Variants in PDE7B observed in about 807,000 individuals in gnomAD.
The protein encoded by PDE7B is phosphodiesterase 7B, also known as 3',5'-cyclic-AMP phosphodiesterase 7B.
Under a neutral mutation model 56.2 loss-of-function variants are expected in PDE7B, and 29 were observed. That is an observed-to-expected ratio of 0.52 (90% CI 0.38 to 0.70). PDE7B has a LOEUF of 0.70. Among genes scored for constraint, PDE7B ranks in the 30% least tolerant of loss-of-function variants. PDE7B has a pLI of 0.00. For synonymous variants in PDE7B, 197 were observed against 196.9 expected (o/e 1.00, Z 0.00); for missense variants, 490 against 565.0 (o/e 0.87, Z 1.35).
chr6:135,857,979 T>C (rs1331795871), intron 1 of PDE7B, among the ~76,000 whole-genome samples: 1 of 152,190 alleles, frequency 6.6e-6, no homozygotes, highest in African/African-American at 2.4e-5. Flanking sequence ...TTCTTGTATA[T>C]ACTTTAGAAT....
intron 2 of PDE7B, among the ~76,000 whole-genome samples, chr6:136,057,956 C>T (rs955584550): frequency 2.6e-5 from 4 of 152,092 alleles, no homozygotes; most frequent in Admixed American, 2.0e-4. Context: ...AGGCTGGTCT[C>T]GAACTCCTGA....
chr6:135,891,540 G>A (rs1457286050), intron 1 of PDE7B, among the ~76,000 whole-genome samples: 2 of 152,112 alleles, frequency 1.3e-5, no homozygotes, highest in South Asian at 2.1e-4. Context: ...GCAAAACTGA[G>A]GTGAGAAATT....
At chr6:136,166,558 G>A (rs1778796411) in intron 8 of PDE7B, among the ~76,000 whole-genome samples, 1 of 152,106 alleles carries the variant, frequency 6.6e-6, no homozygotes, top group Non-Finnish European at 1.5e-5. Context: ...TAGAGCAGGA[G>A]CAAGAGAGAG....
At chr6:136,127,908 A>C (rs1375689172) in intron 3 of PDE7B, among the ~76,000 whole-genome samples, 1 of 152,230 alleles carries the variant, frequency 6.6e-6, no homozygotes, top group Admixed American at 6.5e-5. Flanking sequence ...CCTTAAACTT[A>C]GCTTAACTTC....
chr6:135,865,394 G>A (rs886273323), intron 1 of PDE7B, among the ~76,000 whole-genome samples: 1 of 151,914 alleles, frequency 6.6e-6, no homozygotes, highest in Non-Finnish European at 1.5e-5. Context: ...ATATTCTTCG[G>A]TCTTAAAATT....
At chr6:136,020,654 T>C (rs1174297001) in intron 2 of PDE7B, among the ~76,000 whole-genome samples, 1 of 151,780 alleles carries the variant, frequency 6.6e-6, no homozygotes, top group Non-Finnish European at 1.5e-5. Context: ...GAATTTTCTG[T>C]TGTCCATATA....
At chr6:136,167,565 T>TA (rs1168915288) in intron 8 of PDE7B, among the ~76,000 whole-genome samples, 7 of 152,222 alleles carry the variant, frequency 4.6e-5, no homozygotes, top group Non-Finnish European at 1.0e-4. Flanking sequence ...TGTGGAACTG[T>TA]AAGTCCATTG....
chr6:135,949,790 T>C (rs1185823277), intron 2 of PDE7B, among the ~76,000 whole-genome samples: 5 of 152,098 alleles, frequency 3.3e-5, no homozygotes, highest in Non-Finnish European at 7.4e-5. Flanking sequence ...TTTTTATTAG[T>C]TTCAGGACAC....
At chr6:135,930,048 CT>C (rs1334468037) in intron 1 of PDE7B, among the ~76,000 whole-genome samples, 1 of 152,098 alleles carries the variant, frequency 6.6e-6, no homozygotes, top group Non-Finnish European at 1.5e-5. Context: ...TTTCACACTG[CT>C]GATAAAGACA....
At chr6:136,104,963 TTTGC>T (rs1351744033) in intron 2 of PDE7B, among the ~76,000 whole-genome samples, 9 of 152,338 alleles carry the variant, frequency 5.9e-5, no homozygotes, top group African/African-American at 2.2e-4. Flanking sequence ...TTTGGGTTTG[TTTGC>T]TTGTTTAGGT....
intron 1 of PDE7B, among the ~76,000 whole-genome samples, chr6:135,862,529 T>C (rs1775169931): frequency 6.6e-6 from 1 of 151,912 alleles, no homozygotes; most frequent in Admixed American, 6.6e-5. Context: ...TTGACTTTAT[T>C]AAATTAGTTA....
chr6:135,858,149 T>C (rs1562412811), intron 1 of PDE7B, among the ~76,000 whole-genome samples: 2 of 152,054 alleles, frequency 1.3e-5, no homozygotes, highest in Non-Finnish European at 2.9e-5. Context: ...TTAATTTAAT[T>C]ACTATTTTTT....
intron 1 of PDE7B, among the ~76,000 whole-genome samples, chr6:135,916,367 T>C (rs1454984589): frequency 6.8e-6 from 1 of 146,386 alleles, no homozygotes; most frequent in Non-Finnish European, 1.5e-5. Flanking sequence ...CTTTTGCCCT[T>C]TTTTTCTTTT....
At chr6:135,895,608 T>G (rs1297563898) in intron 1 of PDE7B, among the ~76,000 whole-genome samples, 1 of 152,136 alleles carries the variant, frequency 6.6e-6, no homozygotes, top group African/African-American at 2.4e-5. Context: ...TAAATGTGCT[T>G]GCAGGCAAAA....
chr6:136,110,254 C>T (rs1777719631), intron 3 of PDE7B, among the ~76,000 whole-genome samples: 1 of 152,156 alleles, frequency 6.6e-6, no homozygotes, highest in South Asian at 2.1e-4. Flanking sequence ...TGGGATACAG[C>T]CTGCGGGAGC....
At chr6:135,889,772 T>G (rs1176658131) in intron 1 of PDE7B, among the ~76,000 whole-genome samples, 5 of 111,350 alleles carry the variant, frequency 4.5e-5, no homozygotes, top group Non-Finnish European at 8.3e-5. Flanking sequence ...TTTTTTTTTT[T>G]TGAGATGGAG....
rs1490464680 is a variant in PDE7B, at chr6:136,084,932, CT to C, written c.83-23791del. Among the ~76,000 whole-genome samples, 3 of 152,026 alleles carry C rather than the reference CT, an allele frequency of 2.0e-5. 1 individual carries two copies. In the South Asian group the frequency reaches 6.3e-4, roughly 32 times the overall value. Reference sequence around the variant, plus strand: ...TCACTCCAGAAATTCTCCATGACCTCTTTTTTTTCTTCAAAACACCCATCTC... The same window carrying C: ...TCACTCCAGAAATTCTCCATGACCTCTTTTTTTCTTCAAAACACCCATCTC... On this transcript the variant is annotated intron_variant, in intron 2 of 12. Coordinates refer to ENST00000308191, the MANE Select transcript of PDE7B (RefSeq NM_018945.4).
intron 11 of PDE7B, among the ~76,000 whole-genome samples, chr6:136,186,586 C>G (rs534408918): frequency 6.6e-6 from 1 of 152,328 alleles, no homozygotes; most frequent in Non-Finnish European, 1.5e-5. Flanking sequence ...CCTTCTACCT[C>G]ATTTCCTACC....
chr6:135,923,583 A>C (rs1774130990), intron 1 of PDE7B, among the ~76,000 whole-genome samples: 1 of 152,204 alleles, frequency 6.6e-6, no homozygotes, highest in South Asian at 2.1e-4. Context: ...CAGATAAAAC[A>C]TAAAAAAGTA....
Sources: gnomAD v4.1 joint callset for allele counts (sites outside exome capture counted in the v4.1 genomes callset) on GRCh38, gnomAD v4.1.1 for gene constraint, MANE v1.5 for transcripts, NCBI Gene and HGNC (gene_info 2026-07-23, HGNC 2026-07-21) for gene names.